The following CTNNA3 variants were observed in gnomAD, a reference collection of about 807,000 sequenced individuals.
The protein encoded by CTNNA3 is catenin alpha 3, also known as catenin alpha-3.
Under a neutral mutation model 95.7 loss-of-function variants are expected in CTNNA3, and 76 were observed. That is an observed-to-expected ratio of 0.79 (90% CI 0.66 to 0.96). The LOEUF (loss-of-function observed/expected upper bound fraction) is 0.96. CTNNA3 is among the 40% of genes least tolerant of loss of function. CTNNA3 has a pLI of 0.00. For missense variants in CTNNA3, 1,191 were observed against 1,089.8 expected, an observed-to-expected ratio of 1.09 and a Z score of -1.31; for synonymous variants, 431 against 374.4, an observed-to-expected ratio of 1.15 and a Z score of -1.74.
chr10:67,660,703 C>T (rs1971067), intron 1 of CTNNA3, among the ~76,000 whole-genome samples: 5,392 of 151,984 alleles, frequency 0.035, 94 homozygotes, highest in Middle Eastern at 0.078. Context: ...GAGGCCGAGG[C>T]GGTGGATCAT....
intron 5 of CTNNA3, among the ~76,000 whole-genome samples, chr10:67,373,400 G>A (rs1843559855): frequency 6.6e-6 from 1 of 152,130 alleles, no homozygotes; most frequent in Non-Finnish European, 1.5e-5. Flanking sequence ...AATTGTAGAG[G>A]GATAAATTCA....
At chr10:66,919,274 G>T (rs1846667855) in intron 7 of CTNNA3, among the ~76,000 whole-genome samples, 1 of 151,994 alleles carries the variant, frequency 6.6e-6, no homozygotes, top group Non-Finnish European at 1.5e-5. Flanking sequence ...AATTTTTGGA[G>T]TTGATATTTA....
At chr10:67,206,006 C>T (rs1001143584) in intron 6 of CTNNA3, among the ~76,000 whole-genome samples, 3 of 152,264 alleles carry the variant, frequency 2.0e-5, no homozygotes, top group South Asian at 2.1e-4. Flanking sequence ...CATCAAAGAA[C>T]GTAGTGTCCC....
Position 67,738,228 on chromosome 10 carries a change from G to T in CTNNA3, c.-2+25206C>A, listed in dbSNP as rs143528795. ...TCCCTCTGGGACAAAGCTTCCAGAG[G>T]AAGGATCAGGCAGCGATATTTGCTG... On this transcript the variant is annotated intron_variant, in intron 1 of 17. Coordinates refer to the CTNNA3 transcript ENST00000684154. 0.033 allele frequency among the ~76,000 whole-genome samples: 5,031 copies of T among 152,258 alleles called. 593 individuals are homozygous for T. In the East Asian group the frequency reaches 0.44, roughly 13 times the overall value.
At chr10:66,875,396 A>T (rs761756913) in intron 7 of CTNNA3, among the ~76,000 whole-genome samples, 3 of 10,170 alleles carry the variant, frequency 2.9e-4, no homozygotes, top group African/African-American at 5.3e-4. Flanking sequence ...ACTGTTATTT[A>T]AAAAAAAAAA....
chr10:67,163,020 T>A lies in CTNNA3; in HGVS notation c.1047+17297A>T, dbSNP rs181919781. Among the ~76,000 whole-genome samples, 353 of 151,998 alleles carry A rather than the reference T, an allele frequency of 2.3e-3. 1 individual carries two copies. The highest frequency in any genetic ancestry group is 8.0e-3 in the African/African-American group (333 of 41,538). ...AAAACTCCTGGAAAAGAAATCTCCA[T>A]CCCCAGATGGTTTTCTTGGAGAACA... On this transcript the variant is annotated intron_variant, in intron 7 of 17. Coordinates refer to ENST00000433211, the MANE Select transcript of CTNNA3 (RefSeq NM_013266.4).
At chr10:67,359,472 A>G (rs1227778355) in intron 5 of CTNNA3, among the ~76,000 whole-genome samples, 4 of 152,138 alleles carry the variant, frequency 2.6e-5, no homozygotes, top group Non-Finnish European at 5.9e-5. Flanking sequence ...GTTGAAAGCC[A>G]ATCCAAGGAA....
At chr10:66,835,514 C>T (rs1842856965) in intron 7 of CTNNA3, among the ~76,000 whole-genome samples, 1 of 152,214 alleles carries the variant, frequency 6.6e-6, no homozygotes, top group African/African-American at 2.4e-5. Flanking sequence ...ACTGATATCA[C>T]TTGCCCTTTG....
intron 12 of CTNNA3, among the ~76,000 whole-genome samples, chr10:66,320,294 A>G (rs1024788155): frequency 2.0e-5 from 3 of 151,874 alleles, no homozygotes; most frequent in Non-Finnish European, 4.4e-5. Context: ...TACCCTACAC[A>G]TTTATGCACT....
intron 1 of CTNNA3, among the ~76,000 whole-genome samples, chr10:67,655,519 C>T (rs1589539504): frequency 1.3e-5 from 2 of 152,198 alleles, no homozygotes; most frequent in South Asian, 2.1e-4. Context: ...CGTGCGGTGG[C>T]TCATGCCTGT....
chr10:67,439,720 C>G (rs1009893920), intron 5 of CTNNA3, among the ~76,000 whole-genome samples: 1 of 152,150 alleles, frequency 6.6e-6, no homozygotes, highest in Non-Finnish European at 1.5e-5. Flanking sequence ...TCTCAACACA[C>G]CCTGGGAACC....
intron 12 of CTNNA3, among the ~76,000 whole-genome samples, chr10:66,335,549 T>C (rs557061105): frequency 1.2e-4 from 18 of 152,192 alleles, no homozygotes; most frequent in African/African-American, 3.9e-4. Flanking sequence ...ACAGTGGATA[T>C]TGGTGAACAG....
At chr10:67,173,249 C>T (rs966333697) in intron 7 of CTNNA3, among the ~76,000 whole-genome samples, 4 of 152,124 alleles carry the variant, frequency 2.6e-5, no homozygotes, top group Non-Finnish European at 5.9e-5. Context: ...GCTGTGATGG[C>T]TCACATCTCT....
chr10:67,652,631 T>G (rs1175755635), intron 1 of CTNNA3, among the ~76,000 whole-genome samples: 1 of 152,216 alleles, frequency 6.6e-6, no homozygotes, highest in African/African-American at 2.4e-5. Context: ...TTTGGGCACT[T>G]ACTCTTATAG....
intron 9 of CTNNA3, among the ~76,000 whole-genome samples, chr10:66,754,424 T>C (rs767610420): frequency 1.3e-5 from 2 of 152,128 alleles, no homozygotes; most frequent in African/African-American, 2.4e-5. Flanking sequence ...GAAGAAAATA[T>C]AAAAATAAAT....
intron 7 of CTNNA3, among the ~76,000 whole-genome samples, chr10:67,023,400 C>T (rs555492517): frequency 6.6e-6 from 1 of 152,230 alleles, no homozygotes; most frequent in East Asian, 1.9e-4. Context: ...AAGCATCAAA[C>T]TTCAGCAATA....
At chr10:65,944,927 A>G (rs1447508556) in intron 17 of CTNNA3, among the ~76,000 whole-genome samples, 2 of 151,622 alleles carry the variant, frequency 1.3e-5, no homozygotes, top group Admixed American at 6.6e-5. Context: ...TTTATCATCT[A>G]TCTATAAATA....
chr10:66,264,650 T>C (rs1451267264), intron 13 of CTNNA3, among the ~76,000 whole-genome samples: 1 of 151,974 alleles, frequency 6.6e-6, no homozygotes, highest in South Asian at 2.1e-4. Flanking sequence ...TCATTTCACA[T>C]AGCCGAAGTT....
intron 17 of CTNNA3, among the ~76,000 whole-genome samples, chr10:65,963,834 A>G (rs2077903839): frequency 6.6e-6 from 1 of 152,220 alleles, no homozygotes; most frequent in South Asian, 2.1e-4. Flanking sequence ...AATAATTTTA[A>G]TTAAATGGTG....
Sources: allele counts gnomAD v4.1 joint callset (sites outside exome capture counted in the v4.1 genomes callset), GRCh38; gene constraint gnomAD v4.1.1; transcripts MANE v1.5; gene names NCBI Gene and HGNC (gene_info 2026-07-23, HGNC 2026-07-21).